The following TUBA1B variants were observed in gnomAD, a reference collection of about 807,000 sequenced individuals.
TUBA1B encodes tubulin alpha 1b.
A neutral mutation model predicts 34.4 loss-of-function variants in TUBA1B; 1 was observed. That is an observed-to-expected ratio of 0.03 (90% CI 0.01 to 0.14). The LOEUF (loss-of-function observed/expected upper bound fraction) is 0.14. Ranked by LOEUF, TUBA1B falls within the 10% of genes least tolerant of loss-of-function variation. The probability of loss-of-function intolerance (pLI) is 1.00; values close to 1 mark genes in which losing one functional copy is unlikely to be tolerated. For missense variants in TUBA1B, 54 were observed against 583.6 expected, an observed-to-expected ratio of 0.09 and a Z score of 9.35; for synonymous variants, 197 against 212.5, an observed-to-expected ratio of 0.93 and a Z score of 0.64.
intron 1 of TUBA1B, 86 bp downstream of exon 1, chr12:49,131,212 C>A (rs1254402706): frequency 6.6e-7 from 1 of 1,524,228 alleles, no homozygotes; most frequent in East Asian, 2.4e-5. Context: ...CCAGCCCTTC[C>A]CGGCTGTATA....
intron 1 of TUBA1B, 168 bp from the exon 2 acceptor site, chr12:49,129,890 C>A: frequency 8.1e-7 from 1 of 1,231,154 alleles, no homozygotes; most frequent in Non-Finnish European, 1.1e-6. Flanking sequence ...CAGTCATCCC[C>A]CCACCTCAGC....
intron 1 of TUBA1B, chr12:49,130,121 T>C: frequency 8.3e-7 from 1 of 1,199,010 alleles, no homozygotes; most frequent in Non-Finnish European, 1.1e-6. Flanking sequence ...AATGTTACCT[T>C]CCCATCCTAA....
intron 3 of TUBA1B, 135 bp downstream of exon 3, chr12:49,129,107 A>C (rs1256212196): frequency 1.3e-6 from 2 of 1,560,514 alleles, no homozygotes; most frequent in Non-Finnish European, 1.7e-6. Flanking sequence ...TCTGATTTAG[A>C]AGTCCAATTA....
intron 1 of TUBA1B, chr12:49,130,013 A>G: frequency 9.0e-7 from 1 of 1,113,292 alleles, no homozygotes; most frequent in East Asian, 3.0e-5. Flanking sequence ...TAATCTGAAA[A>G]CGAATTTCCT....
intron 1 of TUBA1B, chr12:49,130,430 G>A: frequency 8.6e-7 from 1 of 1,159,608 alleles, no homozygotes; most frequent in Non-Finnish European, 1.1e-6. Flanking sequence ...GGCCACGTCT[G>A]CAAAGGCGCT....
chr12:49,130,389 G>T (rs757018046), intron 1 of TUBA1B: 9 of 1,284,868 alleles, frequency 7.0e-6, no homozygotes, highest in Non-Finnish European at 9.1e-6. Context: ...GCGCTCTTGC[G>T]CCCCCCGGCG....
In TUBA1B at chr12:49,130,066, C is replaced by T. The variant is rs1941784230; in HGVS notation, c.4-344G>A. Reference sequence around the variant, plus strand: ...TCTAAAGATCCTTTTCTAAGATGTACTACTTTTGAGAACAGCTACACTATA... The same window carrying T: ...TCTAAAGATCCTTTTCTAAGATGTATTACTTTTGAGAACAGCTACACTATA... On this transcript the variant is annotated intron_variant, in intron 1 of 3. Transcript: ENST00000336023. 3.4e-6 allele frequency: 4 copies of T among 1,186,024 alleles called. No homozygotes were observed. In the East Asian group the frequency reaches 1.8e-4, roughly 54 times the overall value. 73.5% of individuals were successfully genotyped at this position (1,186,024 alleles called of 1,614,324 possible).
intron 1 of TUBA1B, chr12:49,129,927 C>G (rs1941782226): frequency 1.8e-6 from 2 of 1,085,734 alleles, no homozygotes; most frequent in South Asian, 1.7e-5. Flanking sequence ...ACCACAGGCA[C>G]AGACCACCAA....
chr12:49,129,151 G>A (rs1352700275), intron 3 of TUBA1B, 91 bp downstream of exon 3: 12 of 1,606,016 alleles, frequency 7.5e-6, no homozygotes, highest in South Asian at 5.5e-5. Context: ...ATTTTGGTAG[G>A]TGCCAAAGAA....
chr12:49,129,725 G>A lies in TUBA1B; in HGVS notation c.4-3C>T, dbSNP rs764351848. ...ACGTGGATGGAGATGCACTCACGCT[G>A]CGGGAAGGAAAAAAGATATCACAAT... On this transcript the variant is annotated splice_region_variant and splice_polypyrimidine_tract_variant and intron_variant, in intron 1 of 3. Coordinates refer to ENST00000336023, the MANE Select transcript of TUBA1B (RefSeq NM_006082.3). 2.5e-5 allele frequency: 40 copies of A among 1,603,070 alleles called. No homozygotes were observed. In the South Asian group the frequency reaches 4.3e-4, roughly 17 times the overall value.
chr12:49,131,223 C>T (rs1483116137), intron 1 of TUBA1B, 75 bp downstream of exon 1: 18 of 1,548,806 alleles, frequency 1.2e-5, no homozygotes, highest in Admixed American at 9.7e-5. Flanking sequence ...CGGCTGTATA[C>T]AGGGCCCCAG....
chr12:49,127,994 A>T lies in TUBA1B; in HGVS notation c.1320T>A (p.Val440=). 6.2e-7 allele frequency: 1 copy of T among 1,614,122 alleles called. No individual in the cohort carries two copies. The highest frequency in any genetic ancestry group is 8.5e-7 in the Non-Finnish European group (1 of 1,180,018). The change falls in exon 4 of 4, where the codon GTT becomes GTA. Residue 440 remains valine, a synonymous_variant. Coordinates refer to ENST00000336023, the MANE Select transcript of TUBA1B (RefSeq NM_006082.3). The part of the protein sequence containing the change: ...KDYEEVGVDS[V]EGEGEEEGEE... The stretch of plus-strand genomic sequence containing the variant: ...CTCCTTCTTCCTCACCCTCTCCTTC[A>T]ACAGAATCCACACCAACCTCCTCAT...
chr12:49,129,797 C>A lies in TUBA1B; in HGVS notation c.4-75G>T, dbSNP rs1157878242. 3.8e-6 allele frequency: 6 copies of A among 1,599,080 alleles called. No homozygotes were observed. The Admixed American group carries it at 5.1e-5, about 14-fold the overall frequency. ...TGTCAAGTGGAACAAAATACTCATG[C>A]AATCTTTATTTTTTTAGAGATAAGG... On this transcript the variant is annotated intron_variant, in intron 1 of 3. Transcript: ENST00000336023.
intron 1 of TUBA1B, chr12:49,130,904 G>A (rs1457784717): frequency 3.4e-5 from 6 of 176,626 alleles, no homozygotes; most frequent in Non-Finnish European, 7.3e-5. Context: ...TCGCGCTCAA[G>A]AGGAAGTGAG....
intron 1 of TUBA1B, 180 bp downstream of exon 1, chr12:49,131,118 C>T (rs1941802219): frequency 1.5e-6 from 1 of 650,342 alleles, no homozygotes; most frequent in Non-Finnish European, 2.6e-6. Flanking sequence ...TCCGGGCCCC[C>T]GCTATTTACA....
rs1280216694 is a variant in TUBA1B, at chr12:49,131,053, C to T, written c.3+245G>A. The T allele has an allele frequency of 1.8e-5, 9 of 493,572 alleles. No individual in the cohort carries two copies. In the Admixed American group the frequency reaches 2.3e-4, roughly 12 times the overall value. The allele number at this position is 493,572 out of a possible 1,614,324, so 30.6% of individuals were successfully genotyped here. A position where few individuals can be genotyped will look rare whatever the true frequency, so the allele number is the denominator to read the frequency against. ...GCTCCGGATACGGCGGAGGGCAGCCCGAGCCCCCCATCCCTTCCAGAGTCC... is the reference window on the plus strand; with the variant it reads ...GCTCCGGATACGGCGGAGGGCAGCCTGAGCCCCCCATCCCTTCCAGAGTCC... On this transcript the variant is annotated intron_variant, in intron 1 of 3. Coordinates refer to ENST00000336023, the MANE Select transcript of TUBA1B (RefSeq NM_006082.3).
At chr12:49,130,609 C>G (rs1270981803) in intron 1 of TUBA1B, 1 of 346,356 alleles carries the variant, frequency 2.9e-6, no homozygotes. Flanking sequence ...GAATTCCTAA[C>G]GCAGCAGGGA....
chr12:49,130,512 CAGT>C (rs1941791244), intron 1 of TUBA1B: 1 of 405,748 alleles, frequency 2.5e-6, no homozygotes, highest in African/African-American at 2.1e-5. Context: ...AGTCTGAGCG[CAGT>C]AGGAGATTAT....
chr12:49,131,381 G>C lies in TUBA1B; in HGVS notation c.-81C>G, dbSNP rs1482199389. On this transcript the variant is annotated 5_prime_UTR_variant, in exon 1 of 4. Coordinates refer to ENST00000336023, the MANE Select transcript of TUBA1B (RefSeq NM_006082.3). ...CCGTCCCCGACAAGCTAAGAGTCGAGGTAAGTAACGCACTAGGGCGGGGCC... is the reference window on the plus strand; with the variant it reads ...CCGTCCCCGACAAGCTAAGAGTCGACGTAAGTAACGCACTAGGGCGGGGCC... 2.6e-6 allele frequency: 4 copies of C among 1,550,102 alleles called. No homozygotes were observed. Among genetic ancestry groups the C allele is most frequent in the Non-Finnish European group, 3.5e-6 (4 of 1,133,162 alleles).
Sources: allele counts gnomAD v4.1 joint callset, GRCh38; gene constraint gnomAD v4.1.1; transcripts MANE v1.5; gene names NCBI Gene and HGNC (gene_info 2026-07-23, HGNC 2026-07-21).